Variants in PTBP3 observed in about 807,000 individuals in gnomAD.
The protein encoded by PTBP3 is polypyrimidine tract binding protein 3.
Under a neutral mutation model 58.7 loss-of-function variants are expected in PTBP3, and 20 were observed. The ratio of observed to expected loss-of-function variants is 0.34; its 90% CI spans 0.24 to 0.50. The LOEUF (loss-of-function observed/expected upper bound fraction) is 0.50, where lower values mean the gene tolerates loss of function less well. PTBP3 is among the 20% of genes least tolerant of loss of function. The pLI is 0.98. For missense variants in PTBP3, 509 were observed against 637.2 expected, an observed-to-expected ratio of 0.80 and a Z score of 2.17; for synonymous variants, 185 against 219.8, an observed-to-expected ratio of 0.84 and a Z score of 1.40.
At chr9:112,228,998 C>T (rs1325819937) in intron 10 of PTBP3, among the ~76,000 whole-genome samples, 1 of 152,160 alleles carries the variant, frequency 6.6e-6, no homozygotes, top group Non-Finnish European at 1.5e-5. Context: ...GATTTTTCTA[C>T]CCTAGTGTTC....
At chr9:112,335,830 C>T (rs1165371984), upstream of PTBP3, among the ~76,000 whole-genome samples, 3 of 148,186 alleles carry the variant, frequency 2.0e-5, 1 homozygote, top group East Asian at 6.3e-4. Flanking sequence ...GAGGTTGAGA[C>T]AGGAGAATCT....
At chr9:112,351,731 C>T in the PTBP3 span, among the ~76,000 whole-genome samples, 1 of 152,220 alleles carries the variant, frequency 6.6e-6, no homozygotes, top group East Asian at 1.9e-4. Context: ...AATTCAATAT[C>T]ATTTCATTTT....
intron 1 of PTBP3, among the ~76,000 whole-genome samples, chr9:112,326,085 G>A (rs553836151): frequency 9.2e-5 from 14 of 152,260 alleles, no homozygotes; most frequent in African/African-American, 3.4e-4. Context: ...AACTGGGTCT[G>A]GAAAGAGGCA....
intron 10 of PTBP3, among the ~76,000 whole-genome samples, chr9:112,229,392 C>T (rs1465584299): frequency 1.3e-5 from 2 of 151,710 alleles, no homozygotes; most frequent in African/African-American, 4.9e-5. Flanking sequence ...GGGGAAACCC[C>T]GTCTCTACCA....
intron 10 of PTBP3, 90 bp downstream of exon 10, chr9:112,231,290 C>T (rs759585672): frequency 9.5e-7 from 1 of 1,049,150 alleles, no homozygotes; most frequent in Non-Finnish European, 1.3e-6. Context: ...ATACTTGGCA[C>T]ACAGAAGTAA....
intron 7 of PTBP3, among the ~76,000 whole-genome samples, chr9:112,240,458 C>A (rs1294940430): frequency 2.6e-5 from 4 of 152,036 alleles, no homozygotes; most frequent in African/African-American, 7.2e-5. Flanking sequence ...TGTAGTGCAA[C>A]ATATTCCTCA....
chr9:112,343,425 A>G, the PTBP3 span, among the ~76,000 whole-genome samples: 1 of 152,124 alleles, frequency 6.6e-6, no homozygotes, highest in African/African-American at 2.4e-5. Flanking sequence ...CACTACCACT[A>G]CAAGCGTTAG....
chr9:112,313,920 G>A (rs1439398346), intron 1 of PTBP3, among the ~76,000 whole-genome samples: 1 of 152,078 alleles, frequency 6.6e-6, no homozygotes, highest in Non-Finnish European at 1.5e-5. Flanking sequence ...ACTGACGACG[G>A]AAAACATTTG....
chr9:112,372,964 T>C, the PTBP3 span, among the ~76,000 whole-genome samples: 1 of 151,616 alleles, frequency 6.6e-6, no homozygotes, highest in Non-Finnish European at 1.5e-5. Context: ...AATGGTGCGA[T>C]CTCAGCTCAC....
intron 3 of PTBP3, among the ~76,000 whole-genome samples, chr9:112,271,454 C>CT (rs971250897): frequency 2.6e-5 from 4 of 152,284 alleles, no homozygotes; most frequent in African/African-American, 9.6e-5. Flanking sequence ...GGCGTAGTGG[C>CT]TCACGCCTAT....
chr9:112,255,475 G>A (rs1329187915), intron 5 of PTBP3, among the ~76,000 whole-genome samples: 1 of 152,034 alleles, frequency 6.6e-6, no homozygotes, highest in African/African-American at 2.4e-5. Context: ...AAGGAGTAAC[G>A]TTAGACTTTA....
Position 112,222,843 on chromosome 9 carries a change from A to G in PTBP3, c.*1008T>C. On this transcript the variant is annotated 3_prime_UTR_variant, in exon 14 of 14. Coordinates refer to ENST00000374257, the MANE Select transcript of PTBP3 (RefSeq NM_001163788.4). Reference sequence around the variant, plus strand: ...AAATACACAGTAATTCTGAGTAAGTATTAGAGATTATAGTGGTACAAAAAA... The same window carrying G: ...AAATACACAGTAATTCTGAGTAAGTGTTAGAGATTATAGTGGTACAAAAAA... 1 of 892,714 alleles carries G rather than the reference A, an allele frequency of 1.1e-6. No individual in the cohort carries two copies. Among genetic ancestry groups the G allele is most frequent in the Non-Finnish European group, 1.3e-6 (1 of 745,356 alleles). The allele number at this position is 892,714 out of a possible 1,614,324, so 55.3% of individuals were successfully genotyped here. A position where few individuals can be genotyped will look rare whatever the true frequency, so the allele number is the denominator to read the frequency against.
At chr9:112,308,102 G>C (rs1250617460) in intron 1 of PTBP3, among the ~76,000 whole-genome samples, 1 of 152,160 alleles carries the variant, frequency 6.6e-6, no homozygotes, top group Non-Finnish European at 1.5e-5. Context: ...CCAGGATGGA[G>C]TACAGCGGCA....
chr9:112,251,220 G>C (rs1589823736), intron 6 of PTBP3, 117 bp from the exon 7 acceptor site: 2 of 772,756 alleles, frequency 2.6e-6, no homozygotes, highest in Non-Finnish European at 3.7e-6. Context: ...TGACTAAAAA[G>C]CCAAAGTCTT....
intron 13 of PTBP3, 27 bp from the exon 14 acceptor site, chr9:112,224,010 A>G (rs776326328): frequency 2.5e-6 from 4 of 1,598,226 alleles, no homozygotes; most frequent in Non-Finnish European, 3.4e-6. Flanking sequence ...AAATACAGAA[A>G]GTATTTAGAA....
chr9:112,267,806 AT>A (rs1176155364), intron 4 of PTBP3, among the ~76,000 whole-genome samples: 2 of 152,148 alleles, frequency 1.3e-5, no homozygotes, highest in African/African-American at 4.8e-5. Flanking sequence ...GTACATAACA[AT>A]AAATATTTTT....
At chr9:112,299,491 C>T (rs576916479) in intron 1 of PTBP3, among the ~76,000 whole-genome samples, 9 of 152,108 alleles carry the variant, frequency 5.9e-5, no homozygotes, top group East Asian at 3.9e-4. Flanking sequence ...ATATCCAGCA[C>T]GTACTAAGAA....
chr9:112,278,273 C>T (rs1271325976), intron 2 of PTBP3, among the ~76,000 whole-genome samples: 2 of 152,170 alleles, frequency 1.3e-5, no homozygotes, highest in Non-Finnish European at 2.9e-5. Flanking sequence ...ATAACACTGT[C>T]ACTAGAGTAA....
chr9:112,320,065 A>C (rs1444240323), intron 1 of PTBP3, among the ~76,000 whole-genome samples: 3 of 152,048 alleles, frequency 2.0e-5, no homozygotes. Context: ...AATTTCAGTT[A>C]GCAGAAATAA....
Sources: gnomAD v4.1 joint callset for allele counts (sites outside exome capture counted in the v4.1 genomes callset) on GRCh38, gnomAD v4.1.1 for gene constraint, MANE v1.5 for transcripts, NCBI Gene and HGNC (gene_info 2026-07-23, HGNC 2026-07-21) for gene names.